Variants in GOLPH3 observed in about 807,000 individuals in gnomAD.
The protein encoded by GOLPH3 is golgi phosphoprotein 3.
A neutral mutation model predicts 28.5 loss-of-function variants in GOLPH3; 14 were observed. The observed-to-expected ratio is 0.49, with a 90% CI of 0.32 to 0.77. GOLPH3 has a LOEUF of 0.77. GOLPH3 is among the 30% of genes least tolerant of loss of function. The pLI, the probability that GOLPH3 is intolerant of heterozygous loss-of-function variation, is 0.03. For synonymous variants in GOLPH3, 158 were observed against 159.2 expected, an observed-to-expected ratio of 0.99 and a Z score of 0.06; for missense variants, 350 against 393.7, an observed-to-expected ratio of 0.89 and a Z score of 0.94.
chr5:32,154,554 T>C (rs1185291520), intron 1 of GOLPH3, among the ~76,000 whole-genome samples: 1 of 152,228 alleles, frequency 6.6e-6, no homozygotes, highest in Non-Finnish European at 1.5e-5. Context: ...ATAGTTGATG[T>C]AGATGTTAAC....
chr5:32,140,358 A>C (rs1403066053), intron 2 of GOLPH3, among the ~76,000 whole-genome samples: 1 of 152,086 alleles, frequency 6.6e-6, no homozygotes, highest in African/African-American at 2.4e-5. Context: ...AAAACAACAA[A>C]AAAAATTAGC....
intron 1 of GOLPH3, among the ~76,000 whole-genome samples, chr5:32,157,249 T>C (rs1371580949): frequency 6.6e-6 from 1 of 152,164 alleles, no homozygotes; most frequent in Non-Finnish European, 1.5e-5. Context: ...TAACTTTTCA[T>C]CATCCTTATG....
At chr5:32,135,718 C>T in intron 2 of GOLPH3, 32 bp from the exon 3 acceptor site, 1 of 1,277,332 alleles carries the variant, frequency 7.8e-7, no homozygotes, top group Non-Finnish European at 1.1e-6. Context: ...TGAAAGGATC[C>T]ACGAATGCCT....
chr5:32,134,340 G>C (rs1465776341), intron 3 of GOLPH3, among the ~76,000 whole-genome samples: 1 of 151,910 alleles, frequency 6.6e-6, no homozygotes, highest in African/African-American at 2.4e-5. Flanking sequence ...CAAGTAGCTG[G>C]GACCACAGGC....
intron 3 of GOLPH3, among the ~76,000 whole-genome samples, chr5:32,132,067 G>A (rs955098832): frequency 6.6e-6 from 1 of 152,178 alleles, no homozygotes; most frequent in Non-Finnish European, 1.5e-5. Context: ...AAGGCAGGAG[G>A]ATCAACTGAG....
chr5:32,140,665 GAAAA>G (rs11352127), intron 2 of GOLPH3, among the ~76,000 whole-genome samples: 1 of 117,036 alleles, frequency 8.5e-6, no homozygotes. Context: ...CTCAGTCTCA[GAAAA>G]AAAAAAAAAA....
Position 32,124,765 on chromosome 5 carries a change from T to TTA in GOLPH3, c.*1446_*1447insTA, listed in dbSNP as rs749103443. The TTA allele has an allele frequency of 1.3e-5, 2 of 152,456 alleles. No individual in the cohort carries two copies. The highest frequency in any genetic ancestry group is 2.9e-5 in the Non-Finnish European group (2 of 68,042). The allele number at this position is 152,456 out of a possible 1,614,324, so 9.4% of individuals were successfully genotyped here. The stretch of plus-strand genomic sequence containing the variant: ...TTATTTATTACTTCAGATAAAAAGA[T>TTA]AGTATACATATTAGGGAATCCCTTA... On this transcript the variant is annotated 3_prime_UTR_variant, in exon 4 of 4. Coordinates refer to ENST00000265070, the MANE Select transcript of GOLPH3 (RefSeq NM_022130.4).
At position 32,142,311 on chromosome 5, in the gene GOLPH3, G is replaced by A. The variant is rs562030768; in HGVS notation, c.357+1438C>T. On this transcript the variant is annotated intron_variant, in intron 2 of 3. Transcript: ENST00000265070. ...CCCGGACGCCCCGTCTGAGAAATGA[G>A]GAGACCCTCTGCCTGGCAACCGCCC... 2.0e-3 allele frequency among the ~76,000 whole-genome samples: 300 copies of A among 150,836 alleles called. 1 individual carries two copies. Among genetic ancestry groups the A allele is most frequent in the African/African-American group, 6.6e-3 (268 of 40,904 alleles).
At chr5:32,143,962 A>G in intron 1 of GOLPH3, 82 bp from the exon 2 acceptor site, 2 of 941,970 alleles carry the variant, frequency 2.1e-6, no homozygotes, top group East Asian at 3.1e-5. Flanking sequence ...ATTATCAGCC[A>G]AAGTCATATT....
intron 2 of GOLPH3, among the ~76,000 whole-genome samples, chr5:32,139,248 T>C (rs181051025): frequency 1.3e-5 from 2 of 152,334 alleles, no homozygotes; most frequent in East Asian, 1.9e-4. Context: ...TTATACAGCA[T>C]TTACATTGTA....
chr5:32,143,940 A>G (rs1246322551), intron 1 of GOLPH3, 60 bp from the exon 2 acceptor site: 4 of 1,200,118 alleles, frequency 3.3e-6, no homozygotes, highest in Non-Finnish European at 4.5e-6. Context: ...ATTCAGAGTA[A>G]AAAACAGAAA....
At chr5:32,145,345 C>T (rs1746163765) in intron 1 of GOLPH3, among the ~76,000 whole-genome samples, 1 of 152,076 alleles carries the variant, frequency 6.6e-6, no homozygotes, top group Non-Finnish European at 1.5e-5. Context: ...AACTTAGGGT[C>T]GGGGCCTGAT....
At chr5:32,159,964 CAA>C (rs1214230490) in intron 1 of GOLPH3, among the ~76,000 whole-genome samples, 1 of 152,150 alleles carries the variant, frequency 6.6e-6, no homozygotes, top group African/African-American at 2.4e-5. Context: ...AGTTTTATAT[CAA>C]GTCACTATAA....
intron 2 of GOLPH3, among the ~76,000 whole-genome samples, chr5:32,140,802 CAAA>C (rs553950121): frequency 1.2e-4 from 9 of 73,632 alleles, no homozygotes; most frequent in Non-Finnish European, 1.7e-4. Flanking sequence ...ACTCTGTCTC[CAAA>C]AAAAAAAAAA....
chr5:32,149,567 T>C lies in GOLPH3; in HGVS notation c.226-5687A>G, dbSNP rs1373426874. 4.6e-5 allele frequency among the ~76,000 whole-genome samples: 7 copies of C among 152,152 alleles called. No homozygotes were observed. The East Asian group carries it at 1.4e-3, about 30-fold the overall frequency. On this transcript the variant is annotated intron_variant, in intron 1 of 3. Transcript: ENST00000265070. ...GTCACTTCTGAAATCTTACATGAAA[T>C]TTTGATTATGTCAAAAATTAAGAAT...
chr5:32,153,060 T>C (rs530081838), intron 1 of GOLPH3, among the ~76,000 whole-genome samples: 1 of 152,300 alleles, frequency 6.6e-6, no homozygotes, highest in Admixed American at 6.5e-5. Flanking sequence ...GAGCAAAAGT[T>C]TGGAAACAAC....
At chr5:32,161,066 C>CAAAAA (rs34874287) in intron 1 of GOLPH3, among the ~76,000 whole-genome samples, 3 of 60,054 alleles carry the variant, frequency 5.0e-5, no homozygotes, top group African/African-American at 8.9e-5. Flanking sequence ...GACTCCGTCT[C>CAAAAA]AAAAAAAAAA....
At chr5:32,151,130 G>A (rs1393719688) in intron 1 of GOLPH3, among the ~76,000 whole-genome samples, 3 of 151,800 alleles carry the variant, frequency 2.0e-5, no homozygotes, top group African/African-American at 7.2e-5. Flanking sequence ...CATTTTTTTG[G>A]TAAAGTTTGC....
At chr5:32,126,720 C>G in intron 3 of GOLPH3, 84 bp from the exon 4 acceptor site, 1 of 1,043,410 alleles carries the variant, frequency 9.6e-7, no homozygotes, top group Admixed American at 2.5e-5. Flanking sequence ...ACAGTAAAAT[C>G]TGATTTTGCC....
Sources: allele counts gnomAD v4.1 joint callset (sites outside exome capture counted in the v4.1 genomes callset), GRCh38; gene constraint gnomAD v4.1.1; transcripts MANE v1.5; gene names NCBI Gene and HGNC (gene_info 2026-07-23, HGNC 2026-07-21).